Variants in HLA-F observed in about 807,000 individuals in gnomAD.
HLA-F encodes HLA class I histocompatibility antigen, alpha chain F.
In HLA-F, 46 loss-of-function variants were observed where a neutral mutation model predicts 49.5. That is an observed-to-expected ratio of 0.93 (90% CI 0.73 to 1.19). HLA-F has a LOEUF of 1.19. Among genes scored for constraint, HLA-F ranks in the 50% most tolerant of loss-of-function variants. The probability of loss-of-function intolerance (pLI) is 0.00; values close to 1 mark genes in which losing one functional copy is unlikely to be tolerated. For missense variants in HLA-F, 496 were observed against 579.6 expected, an observed-to-expected ratio of 0.86 and a Z score of 1.48; for synonymous variants, 203 against 233.5, an observed-to-expected ratio of 0.87 and a Z score of 1.19.
chr6:29,735,332 C>T (rs1776967198), intron 3 of HLA-F: 1 of 120,832 alleles, frequency 8.3e-6, no homozygotes, highest in African/African-American at 3.1e-5. Context: ...TATGTATAGT[C>T]ATATATATGT....
intron 3 of HLA-F, among the ~76,000 whole-genome samples, chr6:29,732,925 T>C (rs542421145): frequency 6.6e-6 from 1 of 152,254 alleles, no homozygotes; most frequent in East Asian, 1.9e-4. Context: ...CCTTGGCTCA[T>C]TCCTGTAATC....
chr6:29,724,252 G>T lies in HLA-F; in HGVS notation c.414G>T (p.Ala138=), dbSNP rs747133995. Residue 138 remains alanine (A), a synonymous_variant, in exon 3 of 7, where the codon GCG becomes GCT. Coordinates refer to ENST00000259951, the MANE Select transcript of HLA-F (RefSeq NM_001098479.2). ...GRLLRGYHQH[A]YDGKDYISLN... is the part of the protein sequence containing the mutation. ...TCCTCCGCGGGTATCACCAGCACGC[G>T]TACGACGGCAAGGATTACATCTCCC... The T allele has an allele frequency of 6.2e-7, 1 of 1,613,038 alleles. No homozygotes were observed. Among genetic ancestry groups the T allele is most frequent in the Non-Finnish European group, 8.5e-7 (1 of 1,179,948 alleles).
At chr6:29,734,010 A>AT (rs1776843098) in intron 3 of HLA-F, among the ~76,000 whole-genome samples, 1 of 152,202 alleles carries the variant, frequency 6.6e-6, no homozygotes, top group African/African-American at 2.4e-5. Context: ...GGCCTTGAGA[A>AT]TTAGGAGACA....
chr6:29,725,242 G>A lies in HLA-F; in HGVS notation c.822G>A (p.Glu274=), dbSNP rs201844059. The change falls in exon 4 of 7, where the codon GAG becomes GAA. Residue 274 remains glutamate (E), a synonymous_variant. Coordinates refer to ENST00000259951, the MANE Select transcript of HLA-F (RefSeq NM_001098479.2). ...KWAAVVVPPG[E]EQRYTCHVQH... is the part of the protein sequence containing the mutation. The stretch of plus-strand genomic sequence containing the variant: ...CCGCTGTGGTGGTGCCTCCTGGAGA[G>A]GAACAGAGATACACATGCCATGTGC... The A allele has an allele frequency of 1.1e-3, 1,755 of 1,614,170 alleles. 2 individuals are homozygous for A. Among genetic ancestry groups the A allele is most frequent in the Non-Finnish European group, 1.3e-3 (1,540 of 1,180,026 alleles).
chr6:29,733,063 C>A (rs2523397), intron 3 of HLA-F, among the ~76,000 whole-genome samples: 1 of 151,818 alleles, frequency 6.6e-6, no homozygotes, highest in Non-Finnish European at 1.5e-5. Context: ...GTGGCGCATG[C>A]GTGTAATCTC....
chr6:29,723,609 C>T, intron 1 of HLA-F, 49 bp from the exon 2 acceptor site: 1 of 1,599,640 alleles, frequency 6.3e-7, no homozygotes, highest in Non-Finnish European at 8.5e-7. Context: ...ACTCAGGGAG[C>T]CGCCTCCGGA....
At chr6:29,738,117 T>C (rs1193552892) in intron 3 of HLA-F, 1 of 152,246 alleles carries the variant, frequency 6.6e-6, no homozygotes, top group Non-Finnish European at 1.5e-5. Context: ...TGTTCTGCTT[T>C]ACAGGAAAGT....
rs1238327146 is a variant in HLA-F at position 29,723,685 on chromosome 6, C to G, written c.92C>G (p.Thr31Ser). ...AGSHSLRYFSTAVSRPGRGEP... is the reference protein window; with the variant it reads ...AGSHSLRYFSSAVSRPGRGEP... ...TCCCACTCCTTGAGGTATTTCAGCA[C>G]CGCTGTGTCGCGGCCCGGCCGCGGG... Residue 31 changes from threonine (T) to serine (S), a missense_variant, in exon 2 of 7, where the codon ACC becomes AGC. Transcript: ENST00000259951. 2 of 1,611,040 alleles carry G rather than the reference C, an allele frequency of 1.2e-6. No homozygotes were observed. Among genetic ancestry groups the G allele is most frequent in the Non-Finnish European group, 1.7e-6 (2 of 1,179,372 alleles).
intron 3 of HLA-F, among the ~76,000 whole-genome samples, chr6:29,737,145 CA>C (rs952910916): frequency 8.8e-6 from 1 of 113,552 alleles, no homozygotes; most frequent in African/African-American, 3.4e-5. Context: ...ATTAACATCA[CA>C]AAAAAGAAAT....
In HLA-F at chr6:29,723,738, G is replaced by A. The variant is rs1335731216; in HGVS notation, c.145G>A (p.Val49Ile). The A allele has an allele frequency of 6.2e-7, 1 of 1,612,142 alleles. No homozygotes were observed. The highest frequency in any genetic ancestry group is 8.5e-7 in the Non-Finnish European group (1 of 1,179,878). The change falls in exon 2 of 7, where the codon GTA becomes ATA. Residue 49 changes from valine to isoleucine, a missense_variant. Transcript: ENST00000259951. ...GCCCCGCTACATCGCCGTGGAGTAC[G>A]TAGACGACACGCAATTCCTGCGGTT... ...GEPRYIAVEYVDDTQFLRFDS... is the reference protein window; with the variant it reads ...GEPRYIAVEYIDDTQFLRFDS...
downstream of HLA-F, among the ~76,000 whole-genome samples, chr6:29,730,172 C>T (rs577398513): frequency 2.6e-5 from 4 of 152,222 alleles, no homozygotes; most frequent in Admixed American, 2.6e-4. Context: ...GAGTGTCCAT[C>T]GGAGGATGAT....
At chr6:29,737,583 C>T (rs1777228161) in intron 3 of HLA-F, among the ~76,000 whole-genome samples, 1 of 152,174 alleles carries the variant, frequency 6.6e-6, no homozygotes, top group African/African-American at 2.4e-5. Flanking sequence ...AAACTTCTCC[C>T]TCTCTCTGAT....
chr6:29,734,797 T>C (rs62391822), intron 3 of HLA-F, among the ~76,000 whole-genome samples: 7,612 of 152,212 alleles, frequency 0.05, 329 homozygotes, highest in East Asian at 0.17. Context: ...GGGGAAACTC[T>C]GCACCATTAA....
At chr6:29,735,474 T>C (rs1178261744) in intron 3 of HLA-F, 1 of 151,018 alleles carries the variant, frequency 6.6e-6, no homozygotes, top group Non-Finnish European at 1.5e-5. Flanking sequence ...TCTAAATTTG[T>C]CAACATTCCA....
chr6:29,725,662 A>G, intron 5 of HLA-F, 99 bp downstream of exon 5: 1 of 1,004,020 alleles, frequency 1.0e-6, no homozygotes, highest in Non-Finnish European at 1.6e-6. Flanking sequence ...GGGAAGCACC[A>G]TCCACACTCA....
Position 29,725,561 on chromosome 6 carries a change from C to CGTGG in HLA-F, c.1001_1002insGTGG (p.Asp335TrpfsTer3). The CGTGG allele has an allele frequency of 6.2e-7, 1 of 1,613,240 alleles. No individual in the cohort carries two copies. On this transcript the variant is annotated frameshift_variant and splice_region_variant, in exon 5 of 7. Coordinates refer to ENST00000259951, the MANE Select transcript of HLA-F (RefSeq NM_001098479.2). LOFTEE classifies it high-confidence loss of function. ...GCTGTGATGTGGAGGAAGAAGAGCT[C>CGTGG]AGGTAGGAAGGGGTGAGGAGTGGAG...
chr6:29,728,083 C>T (rs377430603), downstream of HLA-F: 210 of 518,928 alleles, frequency 4.0e-4, no homozygotes, highest in Admixed American at 7.8e-4. Context: ...GGAGGAGGTG[C>T]TACCAGCATC....
intron 3 of HLA-F, 90 bp downstream of exon 3, chr6:29,724,538 A>G (rs758917939): frequency 5.3e-6 from 7 of 1,326,892 alleles, no homozygotes; most frequent in Non-Finnish European, 7.4e-6. Context: ...ACCCAATGCT[A>G]GGATATCGCC....
At chr6:29,726,756 A>T in intron 6 of HLA-F, 127 bp from the exon 7 acceptor site, 1 of 1,232,736 alleles carries the variant, frequency 8.1e-7, no homozygotes, top group South Asian at 1.2e-5. Context: ...CATCAGACTG[A>T]ATCAGAGTGT....
Sources: gnomAD v4.1 joint callset for allele counts (sites outside exome capture counted in the v4.1 genomes callset) on GRCh38, gnomAD v4.1.1 for gene constraint, MANE v1.5 for transcripts, NCBI Gene and HGNC (gene_info 2026-07-23, HGNC 2026-07-21) for gene names.